The following CNTN4 variants were observed in gnomAD, a reference collection of about 807,000 sequenced individuals.
CNTN4 encodes contactin-4.
In CNTN4, 77 loss-of-function variants were observed where a neutral mutation model predicts 122.5. The ratio of observed to expected loss-of-function variants is 0.63; its 90% CI spans 0.52 to 0.76. The LOEUF is 0.76. CNTN4 is among the 30% of genes least tolerant of loss of function. The probability of loss-of-function intolerance (pLI) is 0.00; values close to 1 mark genes in which losing one functional copy is unlikely to be tolerated. For synonymous variants in CNTN4, 512 were observed against 447.0 expected, an observed-to-expected ratio of 1.15 and a Z score of -1.83; for missense variants, 1,256 against 1,259.1, an observed-to-expected ratio of 1.00 and a Z score of 0.04.
chr3:3,016,176 T>C (rs1330800708), intron 14 of CNTN4, among the ~76,000 whole-genome samples: 4 of 152,240 alleles, frequency 2.6e-5, no homozygotes, highest in East Asian at 3.8e-4. Flanking sequence ...ATTTTAATTA[T>C]ACCTTGACTC....
intron 4 of CNTN4, among the ~76,000 whole-genome samples, chr3:2,651,603 C>T (rs769936869): frequency 4.6e-5 from 7 of 152,178 alleles, no homozygotes; most frequent in Non-Finnish European, 7.3e-5. Context: ...GTACTCCCAG[C>T]ACTTTGGGAG....
intron 4 of CNTN4, among the ~76,000 whole-genome samples, chr3:2,658,973 CA>C (rs2083736088): frequency 7.9e-6 from 1 of 126,578 alleles, no homozygotes; most frequent in South Asian, 2.4e-4. Flanking sequence ...CAGACACACA[CA>C]CACACACACA....
chr3:2,235,901 A>G (rs2039664212), intron 2 of CNTN4, among the ~76,000 whole-genome samples: 1 of 152,188 alleles, frequency 6.6e-6, no homozygotes, highest in South Asian at 2.1e-4. Context: ...ATCTTGCTTC[A>G]GTACACATAC....
At chr3:3,001,245 C>A (rs1023255880) in intron 14 of CNTN4, among the ~76,000 whole-genome samples, 1 of 152,286 alleles carries the variant, frequency 6.6e-6, no homozygotes, top group East Asian at 1.9e-4. Flanking sequence ...GCTACACAAC[C>A]TCAAGTCTCT....
chr3:2,878,553 C>CTGTGTATGTGTGTGTG (rs1553677427), intron 8 of CNTN4, among the ~76,000 whole-genome samples: 1 of 146,844 alleles, frequency 6.8e-6, no homozygotes, highest in African/African-American at 2.5e-5. Context: ...GAGATGCTCT[C>CTGTGTATGTGTGTGTG]TGTGTGTGTG....
At chr3:2,858,068 C>G (rs539557654) in intron 7 of CNTN4, among the ~76,000 whole-genome samples, 1 of 152,160 alleles carries the variant, frequency 6.6e-6, no homozygotes, top group Non-Finnish European at 1.5e-5. Flanking sequence ...GAGGCTATGG[C>G]AAACTGGAGA....
chr3:3,030,503 G>T (rs937760318), intron 15 of CNTN4, among the ~76,000 whole-genome samples: 2 of 152,160 alleles, frequency 1.3e-5, no homozygotes, highest in African/African-American at 2.4e-5. Context: ...CGCCAACCAA[G>T]GCCATAGGCT....
chr3:2,771,838 G>A (rs763469395), intron 6 of CNTN4, among the ~76,000 whole-genome samples: 7 of 152,296 alleles, frequency 4.6e-5, no homozygotes, highest in East Asian at 3.9e-4. Flanking sequence ...TATGTAATCC[G>A]TCCTGGGGTA....
rs576884098 is a variant in CNTN4, at chr3:2,273,808, GT to G, written c.-144-65368del. On this transcript the variant is annotated intron_variant, in intron 2 of 24. Transcript: ENST00000418658. ...TGTGGTACCACCATTTGTTATCCTG[GT>G]TAGTTAACAACTTTCTGAAAATAAA... Among the ~76,000 whole-genome samples the G allele has an allele frequency of 6.6e-5, 10 of 152,144 alleles. No homozygotes were observed. In the East Asian group the frequency reaches 9.7e-4, roughly 15 times the overall value.
In CNTN4 at chr3:2,169,544, C is replaced by G. The variant is rs904151918; in HGVS notation, c.-145+68905C>G. On this transcript the variant is annotated intron_variant, in intron 2 of 24. Coordinates refer to ENST00000418658, the MANE Select transcript of CNTN4 (RefSeq NM_175607.3). ...GCCTCAGCCTCCCGAGTAGCTGGGA[C>G]TACAGGCGCCGCCACCACGCCCGGC... Among the ~76,000 whole-genome samples, 3 of 105,280 alleles carry G rather than the reference C, an allele frequency of 2.8e-5. No individual in the cohort carries two copies. The East Asian group carries it at 1.5e-3, about 53-fold the overall frequency. The allele number at this position is 105,280 out of a possible 152,430, so 69.1% of individuals were successfully genotyped here.
intron 23 of CNTN4, among the ~76,000 whole-genome samples, chr3:3,047,356 T>A (rs1315071678): frequency 6.6e-6 from 1 of 152,030 alleles, no homozygotes; most frequent in Non-Finnish European, 1.5e-5. Context: ...ACTTATTCCA[T>A]AATTGACCTC....
chr3:2,968,114 A>G (rs1388983192), intron 13 of CNTN4, among the ~76,000 whole-genome samples: 1 of 152,208 alleles, frequency 6.6e-6, no homozygotes, highest in Non-Finnish European at 1.5e-5. Flanking sequence ...GCTAATCTCA[A>G]GAACATTCCA....
At chr3:2,101,498 TA>T (rs2031953016) in intron 2 of CNTN4, among the ~76,000 whole-genome samples, 1 of 152,226 alleles carries the variant, frequency 6.6e-6, no homozygotes, top group Non-Finnish European at 1.5e-5. Context: ...TATATTATTT[TA>T]GTTGAATAAG....
chr3:2,677,480 C>CTG (rs1447352973), intron 4 of CNTN4, among the ~76,000 whole-genome samples: 2 of 25,786 alleles, frequency 7.8e-5, no homozygotes, highest in East Asian at 5.4e-3. Flanking sequence ...ATCTATCCAT[C>CTG]TATATCTATC....
At chr3:2,324,272 T>C (rs764014747) in intron 2 of CNTN4, among the ~76,000 whole-genome samples, 33 of 77,072 alleles carry the variant, frequency 4.3e-4, no homozygotes, top group Non-Finnish European at 7.4e-4. Flanking sequence ...AGAAGAATGA[T>C]AGAAGAAATA....
intron 2 of CNTN4, among the ~76,000 whole-genome samples, chr3:2,253,834 AAC>A (rs1324920625): frequency 4.6e-5 from 7 of 151,500 alleles, no homozygotes; most frequent in African/African-American, 1.7e-4. Context: ...TAACATTTTC[AAC>A]TATTTCTGCA....
intron 3 of CNTN4, among the ~76,000 whole-genome samples, chr3:2,426,095 C>T (rs1474977895): frequency 6.6e-6 from 1 of 152,122 alleles, no homozygotes; most frequent in African/African-American, 2.4e-5. Context: ...CCAGAACTTC[C>T]AACACTATGT....
chr3:2,975,249 A>C lies in CNTN4; in HGVS notation c.1359-13096A>C, dbSNP rs527999021. Among the ~76,000 whole-genome samples, 3 of 152,284 alleles carry C rather than the reference A, an allele frequency of 2.0e-5. No homozygotes were observed. In the East Asian group the frequency reaches 5.8e-4, roughly 29 times the overall value. ...AAAGATCTAATGGTAAATTTAAAGA[A>C]AATCTCTTAAATGTGGTTACATTTT... On this transcript the variant is annotated intron_variant, in intron 13 of 24. Coordinates refer to ENST00000418658, the MANE Select transcript of CNTN4 (RefSeq NM_175607.3).
intron 7 of CNTN4, among the ~76,000 whole-genome samples, chr3:2,857,359 T>C (rs2093628140): frequency 6.6e-6 from 1 of 152,232 alleles, no homozygotes; most frequent in South Asian, 2.1e-4. Flanking sequence ...GATTAACACT[T>C]TTAAAATGAG....
Sources: allele counts gnomAD v4.1 joint callset (sites outside exome capture counted in the v4.1 genomes callset), GRCh38; gene constraint gnomAD v4.1.1; transcripts MANE v1.5; gene names NCBI Gene and HGNC (gene_info 2026-07-23, HGNC 2026-07-21).